Variants in LEKR1 observed in about 807,000 individuals in gnomAD.
The protein encoded by LEKR1 is protein LEKR1.
A neutral mutation model predicts 72.4 loss-of-function variants in LEKR1; 59 were observed. That is an observed-to-expected ratio of 0.82 (90% CI 0.66 to 1.01). The LOEUF is 1.01. Among genes scored for constraint, LEKR1 ranks in the 50% least tolerant of loss-of-function variants. The pLI, the probability that LEKR1 is intolerant of heterozygous loss-of-function variation, is 0.00. For synonymous variants in LEKR1, 257 were observed against 263.2 expected (o/e 0.98, Z 0.23); for missense variants, 728 against 759.2 (o/e 0.96, Z 0.48).
chr3:156,928,308 T>C (rs1724911705), intron 5 of LEKR1, among the ~76,000 whole-genome samples: 1 of 152,122 alleles, frequency 6.6e-6, no homozygotes, highest in Non-Finnish European at 1.5e-5. Context: ...GTAGTAATAA[T>C]AATGTTGATT....
chr3:156,864,659 A>G (rs1560034850), intron 3 of LEKR1, among the ~76,000 whole-genome samples: 1 of 152,078 alleles, frequency 6.6e-6, no homozygotes, highest in Non-Finnish European at 1.5e-5. Flanking sequence ...GTTCTAATTC[A>G]GATCATCATT....
intron 12 of LEKR1, among the ~76,000 whole-genome samples, chr3:157,033,164 T>C (rs1734739722): frequency 6.6e-6 from 1 of 152,142 alleles, no homozygotes; most frequent in Admixed American, 6.6e-5. Context: ...ATATTGAAAT[T>C]AGGCCAATTA....
chr3:156,944,326 G>A (rs149034673), intron 6 of LEKR1, among the ~76,000 whole-genome samples: 316 of 151,764 alleles, frequency 2.1e-3, no homozygotes, highest in African/African-American at 7.3e-3. Context: ...GAGATATTTT[G>A]GTACAGGCAT....
At chr3:157,012,898 T>A (rs939264592) in intron 10 of LEKR1, among the ~76,000 whole-genome samples, 2 of 152,072 alleles carry the variant, frequency 1.3e-5, no homozygotes, top group Non-Finnish European at 2.9e-5. Context: ...TTCTTACCAA[T>A]CTATGTTTAA....
intron 9 of LEKR1, among the ~76,000 whole-genome samples, chr3:156,995,969 C>CT (rs1459413697): frequency 2.0e-5 from 3 of 152,180 alleles, no homozygotes; most frequent in African/African-American, 2.4e-5. Context: ...GCCTTGTCCT[C>CT]TAACTGCCCA....
chr3:157,044,186 G>A (rs981634463), intron 12 of LEKR1, among the ~76,000 whole-genome samples: 1 of 152,142 alleles, frequency 6.6e-6, no homozygotes, highest in African/African-American at 2.4e-5. Flanking sequence ...GTAACCTAAT[G>A]GAAATTCATT....
At chr3:156,835,385 T>C (rs1289605365) in intron 2 of LEKR1, among the ~76,000 whole-genome samples, 1 of 152,232 alleles carries the variant, frequency 6.6e-6, no homozygotes, top group African/African-American at 2.4e-5. Context: ...CAAGAAAGCG[T>C]GCAGCTTCCA....
rs763036371 is a variant in LEKR1, at chr3:156,888,367, C to G, written c.264-32208C>G. On this transcript the variant is annotated intron_variant, in intron 3 of 12. Coordinates refer to ENST00000356539, the MANE Select transcript of LEKR1 (RefSeq NM_001004316.3). ...CCAGCTGAAAGAACGAATGCCAGAT[C>G]TACAACATTCTGTCACTGAGCCATA... 7 of 702,320 alleles carry G rather than the reference C, an allele frequency of 1.0e-5. 1 individual carries two copies. The South Asian group carries it at 1.0e-4, about 10-fold the overall frequency. The allele number at this position is 702,320 out of a possible 1,614,324, so 43.5% of individuals were successfully genotyped here. A position where few individuals can be genotyped will look rare whatever the true frequency, so the allele number is the denominator to read the frequency against.
intron 9 of LEKR1, among the ~76,000 whole-genome samples, chr3:157,008,901 C>A (rs762996859): frequency 6.6e-6 from 1 of 152,036 alleles, no homozygotes; most frequent in Admixed American, 6.6e-5. Flanking sequence ...CTAAGGTATA[C>A]CACAATTTAT....
At chr3:157,003,330 C>A (rs1207338996) in intron 9 of LEKR1, among the ~76,000 whole-genome samples, 2 of 152,118 alleles carry the variant, frequency 1.3e-5, no homozygotes, top group African/African-American at 2.4e-5. Context: ...CTGTACAATA[C>A]CACTTATAGG....
chr3:156,994,754 A>G (rs1731421605), intron 9 of LEKR1, among the ~76,000 whole-genome samples: 1 of 152,236 alleles, frequency 6.6e-6, no homozygotes, highest in Non-Finnish European at 1.5e-5. Flanking sequence ...AAAAGACACC[A>G]TGGAATAAAT....
At chr3:157,027,693 T>A (rs1320143411) in intron 11 of LEKR1, among the ~76,000 whole-genome samples, 1 of 152,078 alleles carries the variant, frequency 6.6e-6, no homozygotes, top group Non-Finnish European at 1.5e-5. Flanking sequence ...CATGAGTCTG[T>A]GATCCAGCTA....
chr3:156,842,761 C>T (rs1714095617), intron 2 of LEKR1, among the ~76,000 whole-genome samples: 1 of 152,158 alleles, frequency 6.6e-6, no homozygotes, highest in Admixed American at 6.6e-5. Flanking sequence ...AGCATTTTCC[C>T]CTGGTCTCAT....
At chr3:156,961,768 T>A (rs1728152705) in intron 6 of LEKR1, among the ~76,000 whole-genome samples, 1 of 152,174 alleles carries the variant, frequency 6.6e-6, no homozygotes, top group Non-Finnish European at 1.5e-5. Flanking sequence ...AATTTCTATG[T>A]CTCAGTTACT....
At chr3:156,972,699 A>G (rs1729334294) in intron 6 of LEKR1, among the ~76,000 whole-genome samples, 1 of 142,482 alleles carries the variant, frequency 7.0e-6, no homozygotes, top group Non-Finnish European at 1.5e-5. Flanking sequence ...AGCAGATAAA[A>G]TAATATTATA....
At chr3:156,887,792 A>T (rs1720257321) in intron 3 of LEKR1, among the ~76,000 whole-genome samples, 1 of 152,120 alleles carries the variant, frequency 6.6e-6, no homozygotes, top group Admixed American at 6.5e-5. Context: ...CACCTCCCCC[A>T]ACCATTTGAT....
intron 3 of LEKR1, among the ~76,000 whole-genome samples, chr3:156,909,669 A>AGAAAG (rs1553800893): frequency 0.032 from 4,658 of 145,972 alleles, 126 homozygotes; most frequent in Non-Finnish European, 0.048. Flanking sequence ...AAAAAAAAAA[A>AGAAAG]AAAGAAATCT....
intron 6 of LEKR1, among the ~76,000 whole-genome samples, chr3:156,972,153 A>G (rs1729260091): frequency 6.6e-6 from 1 of 152,202 alleles, no homozygotes; most frequent in African/African-American, 2.4e-5. Flanking sequence ...ATGGAATACT[A>G]TGCAGCCATA....
intron 5 of LEKR1, among the ~76,000 whole-genome samples, chr3:156,937,822 G>A (rs76704021): frequency 0.032 from 4,836 of 152,230 alleles, 117 homozygotes; most frequent in Non-Finnish European, 0.047. Context: ...ATGTAATACT[G>A]TTCAGCAACA....
Sources: gnomAD v4.1 joint callset for allele counts (sites outside exome capture counted in the v4.1 genomes callset) on GRCh38, gnomAD v4.1.1 for gene constraint, MANE v1.5 for transcripts, NCBI Gene and HGNC (gene_info 2026-07-23, HGNC 2026-07-21) for gene names.